The following GRM5 variants were observed in gnomAD, a reference collection of about 807,000 sequenced individuals.
GRM5 encodes the protein metabotropic glutamate receptor 5.
Under a neutral mutation model 83.1 loss-of-function variants are expected in GRM5, and 19 were observed. The observed-to-expected ratio is 0.23, with a 90% CI of 0.16 to 0.34. GRM5 has a LOEUF of 0.34. Ranked by LOEUF, GRM5 falls within the 10% of genes least tolerant of loss-of-function variation. The pLI, the probability that GRM5 is intolerant of heterozygous loss-of-function variation, is 1.00. For synonymous variants in GRM5, 675 were observed against 633.6 expected, an observed-to-expected ratio of 1.07 and a Z score of -0.98; for missense variants, 1,160 against 1,588.3, an observed-to-expected ratio of 0.73 and a Z score of 4.58.
intron 7 of GRM5, among the ~76,000 whole-genome samples, chr11:88,581,435 G>A (rs1943211450): frequency 6.6e-6 from 1 of 152,218 alleles, no homozygotes; most frequent in Admixed American, 6.5e-5. Flanking sequence ...CACTGGTGGA[G>A]TGTGAATTTG....
chr11:88,890,634 A>G (rs1484167181), intron 2 of GRM5, among the ~76,000 whole-genome samples: 2 of 152,138 alleles, frequency 1.3e-5, no homozygotes, highest in Non-Finnish European at 2.9e-5. Context: ...GGTGGTCTAA[A>G]TCGTAAAACA....
At chr11:88,884,580 G>A (rs966004904) in intron 2 of GRM5, among the ~76,000 whole-genome samples, 1 of 152,136 alleles carries the variant, frequency 6.6e-6, no homozygotes, top group Non-Finnish European at 1.5e-5. Context: ...TGAGACTTGG[G>A]AGGGGTAAGA....
chr11:89,020,137 A>G (rs937272218), intron 2 of GRM5, among the ~76,000 whole-genome samples: 5 of 152,148 alleles, frequency 3.3e-5, no homozygotes, highest in Admixed American at 2.6e-4. Context: ...ATTTAATTTA[A>G]CCCACATAAT....
rs1943095912 is a variant in GRM5, at chr11:88,575,714, T to C, written c.1691-7722A>G. On this transcript the variant is annotated intron_variant, in intron 7 of 9. Coordinates refer to ENST00000305447, the MANE Select transcript of GRM5 (RefSeq NM_001143831.3). ...AGTTGTTTTTCTTGGGTTCCTAAAG[T>C]TTTCTAGCATAGAAAATGTTCTGAA... is the stretch of plus-strand genomic sequence containing the variant. 2.0e-5 allele frequency among the ~76,000 whole-genome samples: 3 copies of C among 152,298 alleles called. No homozygotes were observed. In the South Asian group the frequency reaches 6.2e-4, roughly 32 times the overall value.
intron 2 of GRM5, among the ~76,000 whole-genome samples, chr11:89,031,953 T>C (rs1470530831): frequency 6.6e-6 from 1 of 152,110 alleles, no homozygotes; most frequent in Non-Finnish European, 1.5e-5. Flanking sequence ...AAAACAAAAA[T>C]AAGAAAAATA....
intron 7 of GRM5, among the ~76,000 whole-genome samples, chr11:88,573,677 G>A (rs1019321881): frequency 2.0e-5 from 3 of 152,228 alleles, no homozygotes; most frequent in Admixed American, 2.0e-4. Context: ...GAACTGACAA[G>A]GGGCTGTTGT....
chr11:88,609,547 T>C (rs1012647831), intron 4 of GRM5, among the ~76,000 whole-genome samples: 3 of 152,200 alleles, frequency 2.0e-5, no homozygotes, highest in African/African-American at 7.2e-5. Flanking sequence ...GTGGGATTCA[T>C]GTCTGTTCAT....
chr11:88,613,022 T>C (rs949805668), intron 4 of GRM5: 2 of 152,206 alleles, frequency 1.3e-5, no homozygotes, highest in African/African-American at 4.8e-5. Context: ...ATTTTCTTAG[T>C]AATGATTTTT....
rs550207457 is a variant in GRM5, at chr11:88,593,206, C to T, written c.1564-2479G>A. Among the ~76,000 whole-genome samples the T allele has an allele frequency of 9.9e-5, 15 of 152,248 alleles. 2 individuals carry two copies. The highest frequency in any genetic ancestry group is 9.2e-4 in the Admixed American group (14 of 15,290). On this transcript the variant is annotated intron_variant, in intron 6 of 9. Transcript: ENST00000305447. ...CTTTCATGGAAACTAAGTTTACAAA[C>T]TCTGGAAAATGCCATGAGATGTTGA...
At chr11:88,798,162 A>G (rs1264133091) in intron 3 of GRM5, among the ~76,000 whole-genome samples, 2 of 152,130 alleles carry the variant, frequency 1.3e-5, no homozygotes, top group South Asian at 4.1e-4. Context: ...CTGAGACTAC[A>G]TGTTCTCTTT....
At chr11:88,675,918 A>G (rs923672558) in intron 3 of GRM5, among the ~76,000 whole-genome samples, 10 of 152,030 alleles carry the variant, frequency 6.6e-5, no homozygotes, top group African/African-American at 2.4e-4. Flanking sequence ...AGATGGCCAT[A>G]TTGAGAGTCT....
intron 8 of GRM5, among the ~76,000 whole-genome samples, chr11:88,549,811 T>C (rs548682122): frequency 6.6e-6 from 1 of 152,238 alleles, no homozygotes; most frequent in South Asian, 2.1e-4. Flanking sequence ...AAGGCATGTA[T>C]ACCCGCTGAA....
rs111872543 is a variant in GRM5, at chr11:88,702,928, C to G, written c.912-49525G>C. On this transcript the variant is annotated intron_variant, in intron 3 of 9. Coordinates refer to ENST00000305447, the MANE Select transcript of GRM5 (RefSeq NM_001143831.3). Reference sequence around the variant, plus strand: ...AACCAACTTGATCATAGACTTCTAGCCTTCAGAACTATGGAAAAATAAATT... The same window carrying G: ...AACCAACTTGATCATAGACTTCTAGGCTTCAGAACTATGGAAAAATAAATT... Among the ~76,000 whole-genome samples the G allele has an allele frequency of 3.4e-3, 522 of 152,118 alleles. 1 individual carries two copies. The highest frequency in any genetic ancestry group is 6.0e-3 in the Non-Finnish European group (407 of 67,940).
intron 3 of GRM5, among the ~76,000 whole-genome samples, chr11:88,726,981 C>T (rs936415937): frequency 2.0e-5 from 3 of 152,128 alleles, no homozygotes; most frequent in African/African-American, 4.8e-5. Flanking sequence ...ACTGCATCAA[C>T]GAATGGGCAA....
At chr11:88,562,510 A>G (rs183719385) in intron 8 of GRM5, among the ~76,000 whole-genome samples, 1 of 152,296 alleles carries the variant, frequency 6.6e-6, no homozygotes, top group African/African-American at 2.4e-5. Context: ...CTAGTTATAC[A>G]TACAAAAAGT....
rs193161007 is a variant in GRM5 at position 88,953,522 on chromosome 11, A to G, written c.661+93690T>C. ...AATATATACACTCTGATGGCCTGTT[A>G]AAGTCACATAGGCTGACCTCTTCTA... On this transcript the variant is annotated intron_variant, in intron 2 of 9. Transcript: ENST00000305447. Among the ~76,000 whole-genome samples the G allele has an allele frequency of 1.0e-3, 153 of 152,336 alleles. 1 individual carries two copies. Among genetic ancestry groups the G allele is most frequent in the East Asian group, 7.9e-3 (41 of 5,180 alleles).
At chr11:89,032,670 C>A (rs1042769137) in intron 2 of GRM5, among the ~76,000 whole-genome samples, 4 of 151,978 alleles carry the variant, frequency 2.6e-5, no homozygotes, top group African/African-American at 9.7e-5. Flanking sequence ...GATAATCATC[C>A]CTTTTTTGAA....
At chr11:88,911,448 G>A (rs1231981423) in intron 2 of GRM5, among the ~76,000 whole-genome samples, 4 of 152,070 alleles carry the variant, frequency 2.6e-5, no homozygotes. Context: ...AAACAAATGA[G>A]AAAGCATATA....
intron 3 of GRM5, among the ~76,000 whole-genome samples, chr11:88,711,376 A>G (rs1251973077): frequency 6.6e-6 from 1 of 152,132 alleles, no homozygotes. Context: ...TCAGCTCCCA[A>G]GGCACTAGCC....
Sources: allele counts gnomAD v4.1 joint callset (sites outside exome capture counted in the v4.1 genomes callset), GRCh38; gene constraint gnomAD v4.1.1; transcripts MANE v1.5; gene names NCBI Gene and HGNC (gene_info 2026-07-23, HGNC 2026-07-21).